ERBB4: variants seen among roughly 807,000 people sequenced by gnomAD.
ERBB4 encodes erb-b2 receptor tyrosine kinase 4.
Under a neutral mutation model 158.0 loss-of-function variants are expected in ERBB4, and 42 were observed. That is an observed-to-expected ratio of 0.27 (90% CI 0.21 to 0.34). ERBB4 has a LOEUF of 0.34. ERBB4 is among the 10% of genes least tolerant of loss of function. The pLI is 1.00. For missense variants in ERBB4, 1,333 were observed against 1,624.1 expected (o/e 0.82, Z 3.08); for synonymous variants, 583 against 558.7 (o/e 1.04, Z -0.61).
chr2:211,993,858 A>C (rs1020362291), intron 2 of ERBB4, among the ~76,000 whole-genome samples: 6 of 151,862 alleles, frequency 4.0e-5, no homozygotes, highest in Admixed American at 1.3e-4. Flanking sequence ...GTTTCTTAGA[A>C]AAAAAGAATT....
chr2:211,943,652 C>T (rs1336175938), intron 3 of ERBB4, among the ~76,000 whole-genome samples: 1 of 152,034 alleles, frequency 6.6e-6, no homozygotes, highest in Non-Finnish European at 1.5e-5. Context: ...AGTCTAGGCA[C>T]CTGCCTCTTT....
intron 1 of ERBB4, among the ~76,000 whole-genome samples, chr2:212,253,037 G>A (rs910702111): frequency 1.3e-5 from 2 of 152,042 alleles, no homozygotes; most frequent in African/African-American, 2.4e-5. Flanking sequence ...TGTTTACATT[G>A]AGAAAAGTCG....
chr2:211,780,088 G>A (rs147092593), intron 4 of ERBB4, among the ~76,000 whole-genome samples: 6 of 152,302 alleles, frequency 3.9e-5, no homozygotes, highest in African/African-American at 9.6e-5. Context: ...AAGGCTGGGC[G>A]CAGTGGCTCA....
chr2:211,490,217 C>A (rs2065304571), intron 20 of ERBB4, among the ~76,000 whole-genome samples: 1 of 152,122 alleles, frequency 6.6e-6, no homozygotes. Flanking sequence ...TCTTTCAGAT[C>A]CATTCCCAGG....
At chr2:212,148,163 G>C (rs1322702393) in intron 1 of ERBB4, among the ~76,000 whole-genome samples, 1 of 150,578 alleles carries the variant, frequency 6.6e-6, no homozygotes, top group Admixed American at 6.6e-5. Context: ...TTTTTATTCA[G>C]AGTGAAAAAG....
intron 19 of ERBB4, among the ~76,000 whole-genome samples, chr2:211,563,190 C>T (rs1394371156): frequency 3.9e-5 from 6 of 152,072 alleles, no homozygotes; most frequent in Non-Finnish European, 7.4e-5. Context: ...TATTATAAGA[C>T]TCTTGATTGT....
At chr2:211,842,846 A>G (rs2077505052) in intron 3 of ERBB4, among the ~76,000 whole-genome samples, 1 of 152,130 alleles carries the variant, frequency 6.6e-6, no homozygotes, top group Non-Finnish European at 1.5e-5. Context: ...AAATGACTAT[A>G]ACAGTGCTTG....
At chr2:212,341,931 A>G (rs1259673693) in intron 1 of ERBB4, among the ~76,000 whole-genome samples, 4 of 152,130 alleles carry the variant, frequency 2.6e-5, no homozygotes, top group African/African-American at 9.7e-5. Context: ...TTTTTTAGAA[A>G]TAATATGTTG....
intron 19 of ERBB4, among the ~76,000 whole-genome samples, chr2:211,583,420 C>A (rs1217864547): frequency 6.6e-6 from 1 of 151,760 alleles, no homozygotes; most frequent in Non-Finnish European, 1.5e-5. Flanking sequence ...TAGAGCCAAA[C>A]ACATCAATAA....
At chr2:212,023,948 C>T (rs2076716411) in intron 2 of ERBB4, among the ~76,000 whole-genome samples, 1 of 150,694 alleles carries the variant, frequency 6.6e-6, no homozygotes, top group South Asian at 2.1e-4. Flanking sequence ...GAAAACAAAT[C>T]AATTATAATT....
intron 2 of ERBB4, among the ~76,000 whole-genome samples, chr2:212,099,793 C>A (rs1421491870): frequency 6.7e-6 from 1 of 148,636 alleles, no homozygotes; most frequent in East Asian, 2.0e-4. Context: ...AAAGTTCTCT[C>A]TCTCTCCCTC....
At chr2:211,881,563 A>C (rs975175654) in intron 3 of ERBB4, among the ~76,000 whole-genome samples, 4 of 130,630 alleles carry the variant, frequency 3.1e-5, no homozygotes, top group African/African-American at 1.2e-4. Context: ...CAGCTCAGTC[A>C]GAGAACCTGC....
intron 2 of ERBB4, among the ~76,000 whole-genome samples, chr2:212,010,111 C>A (rs181599302): frequency 4.6e-4 from 70 of 152,254 alleles, no homozygotes; most frequent in Non-Finnish European, 7.9e-4. Context: ...CCATGGATTG[C>A]CCAAGACAGT....
At chr2:212,011,606 C>T (rs1375509660) in intron 2 of ERBB4, among the ~76,000 whole-genome samples, 1 of 151,942 alleles carries the variant, frequency 6.6e-6, no homozygotes, top group Non-Finnish European at 1.5e-5. Flanking sequence ...CAAAATTAGC[C>T]AGGTTTGGTG....
chr2:211,520,238 C>T (rs1339283576), intron 20 of ERBB4, among the ~76,000 whole-genome samples: 1 of 152,068 alleles, frequency 6.6e-6, no homozygotes, highest in Non-Finnish European at 1.5e-5. Flanking sequence ...TTTGCATTTC[C>T]AGATTTTATC....
chr2:211,802,420 T>A (rs545974496), intron 3 of ERBB4, among the ~76,000 whole-genome samples: 1 of 152,310 alleles, frequency 6.6e-6, no homozygotes, highest in South Asian at 2.1e-4. Context: ...AGCTATAATA[T>A]TTTGAGAACT....
chr2:211,892,429 T>C (rs1311336809), intron 3 of ERBB4, among the ~76,000 whole-genome samples: 5 of 115,792 alleles, frequency 4.3e-5, no homozygotes, highest in East Asian at 2.2e-4. Flanking sequence ...GAGCTATCTA[T>C]GACAAACCCA....
chr2:211,993,907 C>G (rs2082136802), intron 2 of ERBB4, among the ~76,000 whole-genome samples: 1 of 151,194 alleles, frequency 6.6e-6, no homozygotes, highest in Non-Finnish European at 1.5e-5. Context: ...ATAAAACTTA[C>G]TTTTTTATAA....
intron 7 of ERBB4, among the ~76,000 whole-genome samples, chr2:211,720,199 T>C (rs2074049335): frequency 6.6e-6 from 1 of 152,220 alleles, no homozygotes; most frequent in African/African-American, 2.4e-5. Flanking sequence ...CCTTGGAAAC[T>C]GAGGATGCAA....
Sources: allele counts gnomAD v4.1 joint callset (sites outside exome capture counted in the v4.1 genomes callset), GRCh38; gene constraint gnomAD v4.1.1; transcripts MANE v1.5; gene names NCBI Gene and HGNC (gene_info 2026-07-23, HGNC 2026-07-21).